The following TRIB2 variants were observed in gnomAD, a reference collection of about 807,000 sequenced individuals.
TRIB2 encodes tribbles pseudokinase 2.
In TRIB2, 2 loss-of-function variants were observed where a neutral mutation model predicts 26.8. The ratio of observed to expected loss-of-function variants is 0.07; its 90% CI spans 0.03 to 0.24. The LOEUF (loss-of-function observed/expected upper bound fraction) is 0.24, where lower values mean the gene tolerates loss of function less well. Ranked by LOEUF, TRIB2 falls within the 10% of genes least tolerant of loss-of-function variation. The probability of loss-of-function intolerance (pLI) is 1.00; values close to 1 mark genes in which losing one functional copy is unlikely to be tolerated. For synonymous variants in TRIB2, 189 were observed against 187.3 expected (o/e 1.01, Z -0.08); for missense variants, 306 against 449.0 (o/e 0.68, Z 2.88).
At chr2:12,735,241 C>T (rs1445506267) in intron 2 of TRIB2, among the ~76,000 whole-genome samples, 1 of 152,214 alleles carries the variant, frequency 6.6e-6, no homozygotes, top group African/African-American at 2.4e-5. Flanking sequence ...GAATGACCTA[C>T]CAAGGCCAGC....
chr2:12,738,573 C>CT (rs1368380103), intron 2 of TRIB2, among the ~76,000 whole-genome samples: 1 of 152,182 alleles, frequency 6.6e-6, no homozygotes, highest in Non-Finnish European at 1.5e-5. Context: ...CTACAACTCT[C>CT]TGAGGCAGTG....
chr2:12,719,220 G>GTC (rs1193529179), intron 1 of TRIB2, among the ~76,000 whole-genome samples: 1 of 152,034 alleles, frequency 6.6e-6, no homozygotes, highest in Non-Finnish European at 1.5e-5. Flanking sequence ...TCTGGTCTTG[G>GTC]TCTCTCTCCC....
intron 2 of TRIB2, among the ~76,000 whole-genome samples, chr2:12,736,897 G>C (rs111625663): frequency 0.019 from 2,911 of 152,326 alleles, 106 homozygotes; most frequent in African/African-American, 0.066. Flanking sequence ...ATGTAGGATG[G>C]ACAGGATCAA....
rs1338150016 is a variant in TRIB2 at position 12,719,810 on chromosome 2, A to T, written c.270+1233A>T. Among the ~76,000 whole-genome samples the T allele has an allele frequency of 7.2e-5, 11 of 152,298 alleles. No homozygotes were observed. The East Asian group carries it at 2.1e-3, about 29-fold the overall frequency. ...TTGTTCAGTTCAGCCCTTAGGGGGA[A>T]ATCGGAGACTCTTTAAATGTTGCCC... On this transcript the variant is annotated intron_variant, in intron 1 of 2. Coordinates refer to ENST00000155926, the MANE Select transcript of TRIB2 (RefSeq NM_021643.4).
chr2:12,740,392 C>T lies in TRIB2; in HGVS notation c.630C>T (p.Ser210=), dbSNP rs776169017. The part of the protein sequence containing the change: ...YILRGDDDSL[S]DKHGCPAYVS... The stretch of plus-strand genomic sequence containing the variant: ...TGCGGGGAGATGATGATTCCCTCTC[C>T]GACAAGCATGGCTGCCCGGCTTACG... The change falls in exon 3 of 3, where the codon TCC becomes TCT. Residue 210 remains serine (S), a synonymous_variant. Transcript: ENST00000155926. The surrounding 1 kb of genome is among the most constrained non-coding windows in gnomAD (Gnocchi z 5.8). 54 of 1,614,018 alleles carry T rather than the reference C, an allele frequency of 3.3e-5. No individual in the cohort carries two copies. Among genetic ancestry groups the T allele is most frequent in the Admixed American group, 5.0e-5 (3 of 60,004 alleles).
At chr2:12,733,141 G>A (rs956707958) in intron 2 of TRIB2, among the ~76,000 whole-genome samples, 1 of 152,158 alleles carries the variant, frequency 6.6e-6, no homozygotes, top group Non-Finnish European at 1.5e-5. Context: ...GTTAAAAACC[G>A]GGGTTTGAAT....
chr2:12,729,969 GC>G (rs1434121509), intron 2 of TRIB2, among the ~76,000 whole-genome samples: 1 of 152,146 alleles, frequency 6.6e-6, no homozygotes, highest in Non-Finnish European at 1.5e-5. Context: ...TTGCTATTGG[GC>G]ATCCTCTGAT....
At chr2:12,735,109 C>T (rs992651986) in intron 2 of TRIB2, among the ~76,000 whole-genome samples, 1 of 152,212 alleles carries the variant, frequency 6.6e-6, no homozygotes, top group Non-Finnish European at 1.5e-5. Flanking sequence ...CCATTCCTCT[C>T]GCGTGGTATG....
chr2:12,740,649 G>A lies in TRIB2; in HGVS notation c.887G>A (p.Arg296Gln). The A allele has an allele frequency of 2.5e-6, 4 of 1,614,160 alleles. No homozygotes were observed. The highest frequency in any genetic ancestry group is 2.5e-6 in the Non-Finnish European group (3 of 1,180,016). ...ATTCTGCGTCGGGAGCCCTCAGAGC[G>A]GCTGACCTCGCAGGAAATTCTGGAC... is the stretch of plus-strand genomic sequence containing the variant. The part of the protein sequence containing the change: ...RSILRREPSE[R>Q]LTSQEILDHP... Residue 296 changes from arginine to glutamine, a missense_variant, in exon 3 of 3, where the codon CGG becomes CAG. Around this residue, in one of 4 missense-constraint regions of TRIB2, gnomAD observed 78 missense variants for 104.9 expected, o/e 0.74. Coordinates refer to ENST00000155926, the MANE Select transcript of TRIB2 (RefSeq NM_021643.4). This position sits in a 1 kb window ranked among gnomAD's most constrained non-coding sequence, Gnocchi z 5.8.
chr2:12,724,570 G>A, intron 2 of TRIB2: 1 of 1,561,110 alleles, frequency 6.4e-7, no homozygotes, highest in Non-Finnish European at 8.7e-7. Context: ...AACTGAGAAG[G>A]GGCAGCTGTT....
intron 2 of TRIB2, among the ~76,000 whole-genome samples, chr2:12,729,544 A>G (rs142204673): frequency 6.6e-6 from 1 of 152,136 alleles, no homozygotes; most frequent in African/African-American, 2.4e-5. Flanking sequence ...TTTACCCATC[A>G]TTTCCCTTTT....
rs764783048 is a variant in TRIB2 at position 12,718,134 on chromosome 2, C to T, written c.-174C>T. On this transcript the variant is annotated 5_prime_UTR_variant, in exon 1 of 3. Coordinates refer to ENST00000155926, the MANE Select transcript of TRIB2 (RefSeq NM_021643.4). The surrounding 1 kb of genome is among the most constrained non-coding windows in gnomAD (Gnocchi z 4.0). ...CCGGGCTCGGAGCAGACGAGGTATC[C>T]GGCGGCGCCCATTTGGGGGCTTCTA... 10 of 894,504 alleles carry T rather than the reference C, an allele frequency of 1.1e-5. No individual in the cohort carries two copies. The highest frequency in any genetic ancestry group is 1.6e-5 in the Non-Finnish European group (10 of 610,920). The allele number at this position is 894,504 out of a possible 1,614,324, so 55.4% of individuals were successfully genotyped here.
At chr2:12,719,695 C>T (rs1195938637) in intron 1 of TRIB2, among the ~76,000 whole-genome samples, 3 of 151,714 alleles carry the variant, frequency 2.0e-5, no homozygotes, top group African/African-American at 7.3e-5. Flanking sequence ...TCACCACAGA[C>T]TACTTTGCGG....
At chr2:12,721,751 C>G (rs1347657656) in intron 1 of TRIB2, among the ~76,000 whole-genome samples, 1 of 152,214 alleles carries the variant, frequency 6.6e-6, no homozygotes, top group Non-Finnish European at 1.5e-5. Flanking sequence ...AACTTTGCTT[C>G]CTTGGCCGTG....
At chr2:12,720,272 T>C (rs1661175606) in intron 1 of TRIB2, among the ~76,000 whole-genome samples, 1 of 152,230 alleles carries the variant, frequency 6.6e-6, no homozygotes, top group Non-Finnish European at 1.5e-5. Flanking sequence ...AGACTTGTGC[T>C]CTGGCCTCAA....
rs1441184859 is a variant in TRIB2, at chr2:12,732,550, A to G, written c.564-7776A>G. Among the ~76,000 whole-genome samples the G allele has an allele frequency of 6.6e-6, 1 of 152,048 alleles. No homozygotes were observed. Among genetic ancestry groups the G allele is most frequent in the Non-Finnish European group, 1.5e-5 (1 of 68,024 alleles). ...TAATTTGTGGGCCATTTGAGGTAGG[A>G]GTTGGGGTGGTTCACTGACTCTCCA... On this transcript the variant is annotated intron_variant, in intron 2 of 2. Transcript: ENST00000155926. The surrounding 1 kb of genome is among the most constrained non-coding windows in gnomAD (Gnocchi z 4.2).
intron 2 of TRIB2, among the ~76,000 whole-genome samples, chr2:12,738,210 A>G (rs1572485996): frequency 6.6e-6 from 1 of 152,290 alleles, no homozygotes; most frequent in South Asian, 2.1e-4. Context: ...GGCGGTGGTG[A>G]TCACGCTGAA....
chr2:12,731,910 G>A (rs1289168920), intron 2 of TRIB2, among the ~76,000 whole-genome samples: 1 of 152,226 alleles, frequency 6.6e-6, no homozygotes, highest in Non-Finnish European at 1.5e-5. Flanking sequence ...GGCCAGCACT[G>A]AGCCTGCGGA....
chr2:12,730,153 G>T (rs2103254731), intron 2 of TRIB2, among the ~76,000 whole-genome samples: 1 of 152,246 alleles, frequency 6.6e-6, no homozygotes, highest in East Asian at 1.9e-4. Context: ...ATAATATCTA[G>T]GGCCCACCAT....
Sources: gnomAD v4.1 joint callset for allele counts (sites outside exome capture counted in the v4.1 genomes callset) on GRCh38, gnomAD v4.1.1 for gene constraint, gnomAD v4.1.1 regional missense constraint, Gnocchi (gnomAD v3.1) non-coding constraint, MANE v1.5 for transcripts, NCBI Gene and HGNC (gene_info 2026-07-23, HGNC 2026-07-21) for gene names.